ADAMTSL1: variants seen among roughly 807,000 people sequenced by gnomAD.
ADAMTSL1 encodes ADAMTS like 1.
Under a neutral mutation model 201.8 loss-of-function variants are expected in ADAMTSL1, and 126 were observed. The ratio of observed to expected loss-of-function variants is 0.62; its 90% CI spans 0.54 to 0.72. The LOEUF is 0.72. Ranked by LOEUF, ADAMTSL1 falls within the 30% of genes least tolerant of loss-of-function variation. ADAMTSL1 has a pLI of 0.00. For synonymous variants in ADAMTSL1, 1,121 were observed against 903.4 expected (o/e 1.24, Z -4.32); for missense variants, 2,679 against 2,277.8 (o/e 1.18, Z -3.59).
chr9:18,210,782 A>G (rs1829840467), intron 2 of ADAMTSL1, among the ~76,000 whole-genome samples: 1 of 151,522 alleles, frequency 6.6e-6, no homozygotes, highest in Non-Finnish European at 1.5e-5. Flanking sequence ...TGCCTATCTT[A>G]AAGTCTTTCA....
At chr9:18,688,372 C>T (rs1830972558) in intron 13 of ADAMTSL1, among the ~76,000 whole-genome samples, 1 of 151,484 alleles carries the variant, frequency 6.6e-6, no homozygotes, top group South Asian at 2.1e-4. Flanking sequence ...AGGTGATCCA[C>T]CCACCTCAGC....
At chr9:18,111,420 T>A (rs1162901926) in intron 1 of ADAMTSL1, among the ~76,000 whole-genome samples, 1 of 152,196 alleles carries the variant, frequency 6.6e-6, no homozygotes, top group East Asian at 1.9e-4. Context: ...TTATTTACAC[T>A]TAACTCATCA....
intron 3 of ADAMTSL1, among the ~76,000 whole-genome samples, chr9:18,544,052 T>G (rs916357000): frequency 2.0e-4 from 31 of 152,220 alleles, no homozygotes; most frequent in African/African-American, 7.5e-4. Context: ...TTGGGGGCTC[T>G]GTTACTTACT....
In ADAMTSL1 at chr9:18,310,388, A is replaced by C. The variant is rs1472722964; in HGVS notation, c.207+146407A>C. Among the ~76,000 whole-genome samples the C allele has an allele frequency of 3.6e-5, 5 of 139,946 alleles. No individual in the cohort carries two copies. In the East Asian group the frequency reaches 6.0e-4, roughly 17 times the overall value. 91.8% of individuals were successfully genotyped at this position (139,946 alleles called of 152,430 possible). On this transcript the variant is annotated intron_variant, in intron 2 of 29. Coordinates refer to the ADAMTSL1 transcript ENST00000680146. ...GCATAGCAAAAAAAAAAAAAAAAAAAAAAAAAAAAAACTATCTTCAGAGTG... is the reference window on the plus strand; with the variant it reads ...GCATAGCAAAAAAAAAAAAAAAAAACAAAAAAAAAAACTATCTTCAGAGTG...
intron 1 of ADAMTSL1, among the ~76,000 whole-genome samples, chr9:18,041,766 A>G (rs778732986): frequency 3.9e-5 from 6 of 152,148 alleles, no homozygotes; most frequent in Non-Finnish European, 7.4e-5. Flanking sequence ...AATATTTTGT[A>G]CATACAGATT....
At chr9:18,442,406 G>C (rs1357576053) in intron 2 of ADAMTSL1, among the ~76,000 whole-genome samples, 2 of 152,188 alleles carry the variant, frequency 1.3e-5, no homozygotes, top group Non-Finnish European at 2.9e-5. Context: ...ATGTGGACTT[G>C]TAAAGGTTAA....
intron 9 of ADAMTSL1, among the ~76,000 whole-genome samples, chr9:18,674,124 T>C (rs904852088): frequency 2.0e-5 from 3 of 152,034 alleles, no homozygotes; most frequent in Non-Finnish European, 2.9e-5. Context: ...TGAAGAACTG[T>C]GGGATTTTGA....
intron 1 of ADAMTSL1, among the ~76,000 whole-genome samples, chr9:18,050,505 G>A (rs189212830): frequency 5.9e-5 from 9 of 152,258 alleles, no homozygotes; most frequent in Non-Finnish European, 1.3e-4. Flanking sequence ...AATTGGTCCA[G>A]CTGCTTCCAT....
At chr9:18,170,791 C>T (rs1563782527) in intron 2 of ADAMTSL1, among the ~76,000 whole-genome samples, 1 of 152,068 alleles carries the variant, frequency 6.6e-6, no homozygotes. Context: ...ATGGATGTGT[C>T]ACATACAGAT....
chr9:18,828,697 A>ATATATATATATATGATG (rs1824776656), intron 22 of ADAMTSL1, among the ~76,000 whole-genome samples: 2 of 42,510 alleles, frequency 4.7e-5, no homozygotes, highest in Non-Finnish European at 1.1e-4. Context: ...TATATATAAA[A>ATATATATATATATGATG]TGTGTGTGTG....
Position 18,685,533 on chromosome 9 carries a change from GA to G in ADAMTSL1, c.1574+736del, listed in dbSNP as rs573540919. ...TTGAAAAATTTCATCTATGACCCAAGAAATTTCTCAGGTTGAAAAATTTTCT... is the reference window on the plus strand; with the variant it reads ...TTGAAAAATTTCATCTATGACCCAAGAATTTCTCAGGTTGAAAAATTTTCT... On this transcript the variant is annotated intron_variant, in intron 13 of 28. Transcript: ENST00000380548. 5.3e-5 allele frequency among the ~76,000 whole-genome samples: 8 copies of G among 152,276 alleles called. No individual in the cohort carries two copies. The East Asian group carries it at 1.5e-3, about 29-fold the overall frequency.
intron 7 of ADAMTSL1, among the ~76,000 whole-genome samples, chr9:18,649,414 T>C (rs1176133166): frequency 1.3e-5 from 2 of 152,228 alleles, no homozygotes; most frequent in Non-Finnish European, 2.9e-5. Context: ...TGTCCAGCTT[T>C]GTTCCGTTGC....
chr9:18,035,064 A>G (rs527480769), intron 1 of ADAMTSL1, among the ~76,000 whole-genome samples: 1 of 152,146 alleles, frequency 6.6e-6, no homozygotes, highest in African/African-American at 2.4e-5. Context: ...GACTTTTTCT[A>G]TAAGAAGTTA....
chr9:18,815,890 T>C (rs1823817631), intron 20 of ADAMTSL1, among the ~76,000 whole-genome samples: 1 of 152,146 alleles, frequency 6.6e-6, no homozygotes, highest in Non-Finnish European at 1.5e-5. Flanking sequence ...TAATTGTACA[T>C]ATTTATGGGG....
intron 1 of ADAMTSL1, among the ~76,000 whole-genome samples, chr9:18,476,522 C>A (rs943228752): frequency 6.6e-6 from 1 of 152,048 alleles, no homozygotes; most frequent in African/African-American, 2.4e-5. Flanking sequence ...ATTAACTGCC[C>A]CCTTTAGCAT....
intron 2 of ADAMTSL1, among the ~76,000 whole-genome samples, chr9:18,348,915 T>C (rs1835842244): frequency 6.6e-6 from 1 of 152,232 alleles, no homozygotes; most frequent in South Asian, 2.1e-4. Flanking sequence ...ATTGAACGTG[T>C]ATTGCCAGTC....
At chr9:18,881,591 T>G (rs1344161084) in intron 23 of ADAMTSL1, among the ~76,000 whole-genome samples, 1 of 152,166 alleles carries the variant, frequency 6.6e-6, no homozygotes, top group African/African-American at 2.4e-5. Flanking sequence ...TGATCACACA[T>G]AACCGTAACA....
intron 2 of ADAMTSL1, among the ~76,000 whole-genome samples, chr9:18,301,703 C>G (rs755018218): frequency 5.4e-4 from 82 of 152,148 alleles, no homozygotes; most frequent in Non-Finnish European, 1.0e-3. Flanking sequence ...TAAGGAGGGA[C>G]TGCTGTACAC....
rs776046209 is a variant in ADAMTSL1, at chr9:18,314,782, CTTTT to C, written c.207+150830_207+150833del. The stretch of plus-strand genomic sequence containing the variant: ...TGCCACTGCTGCCTTCGGCAGCGTG[CTTTT>C]TTTTTTTTTTTTTTTTTTTTTTTTT... On this transcript the variant is annotated intron_variant, in intron 2 of 29. Transcript: ENST00000680146. Among the ~76,000 whole-genome samples, 348 of 49,598 alleles carry C rather than the reference CTTTT, an allele frequency of 7.0e-3. 4 individuals carry two copies. Among genetic ancestry groups the C allele is most frequent in the African/African-American group, 0.028 (337 of 11,864 alleles). The allele number at this position is 49,598 out of a possible 152,430, so 32.5% of individuals were successfully genotyped here.
Sources: gnomAD v4.1 joint callset for allele counts (sites outside exome capture counted in the v4.1 genomes callset) on GRCh38, gnomAD v4.1.1 for gene constraint, MANE v1.5 for transcripts, NCBI Gene and HGNC (gene_info 2026-07-23, HGNC 2026-07-21) for gene names.